FARP1: variants seen among roughly 807,000 people sequenced by gnomAD.
FARP1 encodes the protein FERM, ARHGEF and pleckstrin domain-containing protein 1.
Under a neutral mutation model 128.8 loss-of-function variants are expected in FARP1, and 52 were observed. The ratio of observed to expected loss-of-function variants is 0.40; its 90% CI spans 0.32 to 0.51. The LOEUF is 0.51. FARP1 is among the 20% of genes least tolerant of loss of function. FARP1 has a pLI of 0.45. For missense variants in FARP1, 1,333 were observed against 1,367.9 expected, an observed-to-expected ratio of 0.97 and a Z score of 0.40; for synonymous variants, 580 against 551.8, an observed-to-expected ratio of 1.05 and a Z score of -0.72.
intron 9 of FARP1, 103 bp from the exon 10 acceptor site, chr13:98,389,854 C>A: frequency 1.7e-6 from 2 of 1,153,432 alleles, no homozygotes; most frequent in Non-Finnish European, 2.5e-6. Flanking sequence ...AAATACACAG[C>A]GAAAACTTTA....
Position 98,430,653 on chromosome 13 carries a change from G to A in FARP1, c.1906-390G>A, listed in dbSNP as rs151237285. 2.4e-3 allele frequency among the ~76,000 whole-genome samples: 369 copies of A among 152,288 alleles called. 2 individuals carry two copies. Among genetic ancestry groups the A allele is most frequent in the African/African-American group, 8.0e-3 (334 of 41,566 alleles). The stretch of plus-strand genomic sequence containing the variant: ...TTAAAACGATGTAATGCTCACTGAC[G>A]GCCCCTGGGCTGTTTGTTATCTGAA... On this transcript the variant is annotated intron_variant, in intron 17 of 26. Coordinates refer to ENST00000319562, the MANE Select transcript of FARP1 (RefSeq NM_005766.4).
intron 1 of FARP1, among the ~76,000 whole-genome samples, chr13:98,189,108 G>C (rs1879070031): frequency 6.6e-6 from 1 of 152,168 alleles, no homozygotes; most frequent in African/African-American, 2.4e-5. Flanking sequence ...TGGGTTGCCT[G>C]ATGGGTGCTG....
chr13:98,442,313 GAGA>G (rs1892557401), intron 24 of FARP1, among the ~76,000 whole-genome samples: 1 of 152,214 alleles, frequency 6.6e-6, no homozygotes, highest in Non-Finnish European at 1.5e-5. Context: ...GGAGGGTCTC[GAGA>G]GAGTCTCGGA....
intron 1 of FARP1, among the ~76,000 whole-genome samples, chr13:98,185,476 A>T (rs932497307): frequency 6.6e-6 from 1 of 152,172 alleles, no homozygotes; most frequent in African/African-American, 2.4e-5. Flanking sequence ...TCGTGATCAG[A>T]ACACCCATAG....
At chr13:98,275,965 G>A (rs561757310) in intron 2 of FARP1, among the ~76,000 whole-genome samples, 3 of 152,310 alleles carry the variant, frequency 2.0e-5, no homozygotes, top group East Asian at 1.9e-4. Flanking sequence ...AAAGGTCGGC[G>A]GGGGTATGAT....
At chr13:98,374,589 C>A (rs1443232257) in intron 5 of FARP1, among the ~76,000 whole-genome samples, 1 of 152,184 alleles carries the variant, frequency 6.6e-6, no homozygotes, top group Non-Finnish European at 1.5e-5. Flanking sequence ...TACACAGTAT[C>A]CTACTTTCTG....
rs78654645 is a variant in FARP1 at position 98,255,112 on chromosome 13, C to A, written c.171+41699C>A. Among the ~76,000 whole-genome samples the A allele has an allele frequency of 2.6e-3, 399 of 152,060 alleles. 2 individuals carry two copies. Among genetic ancestry groups the A allele is most frequent in the African/African-American group, 9.1e-3 (376 of 41,458 alleles). ...AGGGAGGGAGGTCTCTTTTTAGGGCCCCTTTGGCCACCTTCAGATAAGCTC... is the reference window on the plus strand; with the variant it reads ...AGGGAGGGAGGTCTCTTTTTAGGGCACCTTTGGCCACCTTCAGATAAGCTC... On this transcript the variant is annotated intron_variant, in intron 2 of 26. Transcript: ENST00000319562.
chr13:98,253,339 G>C (rs1307541725), intron 2 of FARP1, among the ~76,000 whole-genome samples: 1 of 152,234 alleles, frequency 6.6e-6, no homozygotes, highest in East Asian at 1.9e-4. Flanking sequence ...AGCTGCCGTT[G>C]ACTGAGTGCT....
At chr13:98,165,256 T>C (rs966347661) in intron 1 of FARP1, among the ~76,000 whole-genome samples, 4 of 149,720 alleles carry the variant, frequency 2.7e-5, no homozygotes, top group Non-Finnish European at 4.4e-5. Context: ...AAGTGAATGA[T>C]GTGATGATTG....
chr13:98,213,641 G>T (rs764952069), intron 2 of FARP1, among the ~76,000 whole-genome samples: 1 of 152,120 alleles, frequency 6.6e-6, no homozygotes, highest in Non-Finnish European at 1.5e-5. Context: ...AGTGGCCTCG[G>T]CACTTGAATT....
intron 13 of FARP1, chr13:98,402,297 C>CG (rs1438037174): frequency 6.6e-6 from 1 of 152,338 alleles, no homozygotes; most frequent in Non-Finnish European, 1.5e-5. Context: ...CGAGGACTAC[C>CG]GGGCAGGTGT....
At chr13:98,190,226 G>GT (rs1222632230) in intron 1 of FARP1, among the ~76,000 whole-genome samples, 1 of 152,086 alleles carries the variant, frequency 6.6e-6, no homozygotes. Flanking sequence ...TTTCTACAAG[G>GT]TTTTTTTGCA....
intron 1 of FARP1, chr13:98,177,047 G>A (rs768247428): frequency 6.3e-7 from 1 of 1,594,194 alleles, no homozygotes; most frequent in East Asian, 2.2e-5. Flanking sequence ...CGGGGCCTCG[G>A]TGCCACCCGC....
chr13:98,343,926 G>A (rs1888074833), intron 3 of FARP1, 60 bp downstream of exon 3: 5 of 1,079,390 alleles, frequency 4.6e-6, no homozygotes, highest in Non-Finnish European at 7.2e-6. Context: ...TGGGGGGCTG[G>A]GCAGGGGCCA....
chr13:98,442,810 C>T (rs1231326568), intron 24 of FARP1, among the ~76,000 whole-genome samples: 1 of 152,338 alleles, frequency 6.6e-6, no homozygotes. Flanking sequence ...CGATGTGTGG[C>T]GCCGCCACTG....
Position 98,145,188 on chromosome 13 carries a change from T to C in FARP1, c.-24+1696T>C, listed in dbSNP as rs181791802. Among the ~76,000 whole-genome samples the C allele has an allele frequency of 4.7e-4, 72 of 152,278 alleles. No individual in the cohort carries two copies. In the East Asian group the frequency reaches 0.011, roughly 23 times the overall value. On this transcript the variant is annotated intron_variant, in intron 1 of 26. Coordinates refer to ENST00000319562, the MANE Select transcript of FARP1 (RefSeq NM_005766.4). ...CGCCTCCCAGAATCTCTTACTTGTT[T>C]CTTTTATGTGAATGGGAAACTGGAA...
At chr13:98,353,811 A>G (rs926060251) in intron 3 of FARP1, among the ~76,000 whole-genome samples, 6 of 152,244 alleles carry the variant, frequency 3.9e-5, no homozygotes, top group African/African-American at 1.4e-4. Context: ...TATAGTTAAC[A>G]CTGTGTTGCA....
intron 1 of FARP1, among the ~76,000 whole-genome samples, chr13:98,202,434 C>T (rs529519184): frequency 5.1e-4 from 77 of 152,330 alleles, no homozygotes; most frequent in Admixed American, 4.6e-3. Flanking sequence ...TGCAGCTCTG[C>T]CACTTGGACT....
chr13:98,193,160 C>T (rs548439251), intron 1 of FARP1, among the ~76,000 whole-genome samples: 20 of 151,786 alleles, frequency 1.3e-4, no homozygotes, highest in Admixed American at 1.2e-3. Context: ...CGGGTTCAAG[C>T]GATTCTTCTG....
Sources: allele counts gnomAD v4.1 joint callset (sites outside exome capture counted in the v4.1 genomes callset), GRCh38; gene constraint gnomAD v4.1.1; transcripts MANE v1.5; gene names NCBI Gene and HGNC (gene_info 2026-07-23, HGNC 2026-07-21).